Variants in MAP3K5 observed in about 807,000 individuals in gnomAD.
MAP3K5 encodes mitogen-activated protein kinase kinase kinase 5.
In MAP3K5, 56 loss-of-function variants were observed where a neutral mutation model predicts 158.7. That is an observed-to-expected ratio of 0.35 (90% CI 0.28 to 0.44). MAP3K5 has a LOEUF of 0.44. MAP3K5 is among the 20% of genes least tolerant of loss of function. MAP3K5 has a pLI of 1.00. For synonymous variants in MAP3K5, 579 were observed against 601.7 expected, an observed-to-expected ratio of 0.96 and a Z score of 0.55; for missense variants, 1,294 against 1,674.8, an observed-to-expected ratio of 0.77 and a Z score of 3.97.
At chr6:136,604,051 G>A (rs1162700565) in intron 19 of MAP3K5, among the ~76,000 whole-genome samples, 1 of 152,228 alleles carries the variant, frequency 6.6e-6, no homozygotes, top group Non-Finnish European at 1.5e-5. Context: ...GGCCAAACGC[G>A]TGGCTCATGC....
intron 1 of MAP3K5, among the ~76,000 whole-genome samples, chr6:136,785,434 G>A (rs576354437): frequency 1.4e-4 from 21 of 152,276 alleles, no homozygotes; most frequent in African/African-American, 4.8e-4. Context: ...CTGAGTAAGC[G>A]GTTGCAATCT....
chr6:136,726,824 C>T (rs1051193079), intron 1 of MAP3K5, among the ~76,000 whole-genome samples: 4 of 152,024 alleles, frequency 2.6e-5, no homozygotes, highest in African/African-American at 9.7e-5. Flanking sequence ...ATCTTGTATC[C>T]TGAAATTTAA....
intron 18 of MAP3K5, among the ~76,000 whole-genome samples, chr6:136,610,529 C>G (rs1260354687): frequency 6.7e-6 from 1 of 148,284 alleles, no homozygotes; most frequent in Non-Finnish European, 1.5e-5. Context: ...GGGAATTCAT[C>G]GTCCAAATGG....
intron 17 of MAP3K5, among the ~76,000 whole-genome samples, chr6:136,612,705 A>AT (rs571392484): frequency 4.6e-5 from 7 of 152,076 alleles, no homozygotes; most frequent in South Asian, 2.1e-4. Context: ...GAAAAGAGGA[A>AT]TTTTTTTTCT....
rs180879325 is a variant in MAP3K5 at position 136,622,549 on chromosome 6, G to A, written c.2150+299C>T. Among the ~76,000 whole-genome samples the A allele has an allele frequency of 5.3e-5, 8 of 152,206 alleles. No homozygotes were observed. In the East Asian group the frequency reaches 1.3e-3, roughly 26 times the overall value. ...ACCTAGAACTGGTTCCAACCTAAAC[G>A]ATTTCTGATAGTGCTTATTCCTCAT... On this transcript the variant is annotated intron_variant, in intron 15 of 29. Transcript: ENST00000359015.
In MAP3K5 at chr6:136,561,519, A is replaced by G; in HGVS notation, c.3987+14T>C. On this transcript the variant is annotated intron_variant, in intron 28 of 29. Transcript: ENST00000359015. ...AAGTGAAAGAATACTTGTCCCACAG[A>G]CAGTTTTCTTTACCCGGCTTATAGT... 1 of 1,555,332 alleles carries G rather than the reference A, an allele frequency of 6.4e-7. No homozygotes were observed. The highest frequency in any genetic ancestry group is 1.1e-5 in the South Asian group (1 of 89,686).
intron 1 of MAP3K5, among the ~76,000 whole-genome samples, chr6:136,751,064 ATCCCCGAGTAGCAT>A (rs542499969): frequency 1.3e-5 from 2 of 150,322 alleles, no homozygotes; most frequent in African/African-American, 4.9e-5. Context: ...TCACCACTTC[ATCCCCGAGTAGCAT>A]TCTTTTGCTC....
intron 23 of MAP3K5, among the ~76,000 whole-genome samples, chr6:136,588,903 C>T (rs961089616): frequency 1.3e-5 from 2 of 152,162 alleles, no homozygotes; most frequent in East Asian, 1.9e-4. Flanking sequence ...AGTAACTGCC[C>T]GAGACAGCTT....
At chr6:136,775,665 C>A (rs1784377470) in intron 1 of MAP3K5, among the ~76,000 whole-genome samples, 1 of 152,202 alleles carries the variant, frequency 6.6e-6, no homozygotes, top group South Asian at 2.1e-4. Flanking sequence ...TCCACTCCTG[C>A]AAACTTAGTC....
chr6:136,720,400 C>A, intron 2 of MAP3K5, 50 bp downstream of exon 2: 1 of 1,488,760 alleles, frequency 6.7e-7, no homozygotes, highest in Non-Finnish European at 9.0e-7. Flanking sequence ...AAACCGGTAT[C>A]CCTGAAATGC....
chr6:136,765,109 T>C (rs1487907571), intron 1 of MAP3K5, among the ~76,000 whole-genome samples: 1 of 152,200 alleles, frequency 6.6e-6, no homozygotes, highest in East Asian at 1.9e-4. Context: ...TATAAGACAG[T>C]ACAGAAACAT....
At chr6:136,561,465 A>G (rs1354763688) in intron 28 of MAP3K5, 68 bp downstream of exon 28, 6 of 1,178,850 alleles carry the variant, frequency 5.1e-6, no homozygotes, top group African/African-American at 1.5e-5. Context: ...TGTGCCTGTC[A>G]CATAGCAGGC....
At chr6:136,767,781 A>T (rs1313308272) in intron 1 of MAP3K5, among the ~76,000 whole-genome samples, 1 of 152,228 alleles carries the variant, frequency 6.6e-6, no homozygotes, top group Admixed American at 6.5e-5. Context: ...TCCTGATTTC[A>T]CAACTTTTTA....
intron 28 of MAP3K5, among the ~76,000 whole-genome samples, chr6:136,559,653 TAA>T (rs1212039434): frequency 6.6e-6 from 1 of 152,224 alleles, no homozygotes; most frequent in East Asian, 1.9e-4. Context: ...TAATTCACCA[TAA>T]AAGCAGAGTC....
Position 136,592,251 on chromosome 6 carries a change from C to G in MAP3K5, c.3147G>C (p.Glu1049Asp). Residue 1049 changes from glutamate to aspartate, a missense_variant, in exon 23 of 30, where the codon GAG (glutamate) becomes GAC (aspartate). By Grantham distance (45) the Glu-to-Asp change is conservative. Transcript: ENST00000359015. ...GGATCCTGTGAAGGGTAGCTCGCCT[C>G]TCACTGTCCTTCCTCAGCATGAAGA... ...SGFFMLRKDS[E>D]RRATLHRILT... 6 of 1,612,582 alleles carry G rather than the reference C, an allele frequency of 3.7e-6. No individual in the cohort carries two copies. Among genetic ancestry groups the G allele is most frequent in the Non-Finnish European group, 5.1e-6 (6 of 1,179,380 alleles).
At chr6:136,565,504 T>C (rs1304121659) in intron 26 of MAP3K5, among the ~76,000 whole-genome samples, 2 of 152,230 alleles carry the variant, frequency 1.3e-5, no homozygotes, top group African/African-American at 4.8e-5. Flanking sequence ...CAATCATGGC[T>C]CACTGTAGCC....
chr6:136,761,391 G>C (rs1455069494), intron 1 of MAP3K5, among the ~76,000 whole-genome samples: 1 of 151,720 alleles, frequency 6.6e-6, no homozygotes, highest in East Asian at 1.9e-4. Context: ...GTAGATCCCA[G>C]GTGTCTGGGC....
chr6:136,725,118 ACATT>A (rs1246184628), intron 1 of MAP3K5, among the ~76,000 whole-genome samples: 1 of 152,224 alleles, frequency 6.6e-6, no homozygotes, highest in Non-Finnish European at 1.5e-5. Context: ...AGGTTTGAGG[ACATT>A]CAGGTTGTCT....
chr6:136,599,158 CA>C lies in MAP3K5; in HGVS notation c.2878+1863del, dbSNP rs1295013623. ...TGCACTCCAGCCTAGGACTCCGTCT[CA>C]AAAAAAAAAGGGGGGGGGGGCGTGG... On this transcript the variant is annotated intron_variant, in intron 21 of 29. Coordinates refer to ENST00000359015, the MANE Select transcript of MAP3K5 (RefSeq NM_005923.4). 1.8e-3 allele frequency among the ~76,000 whole-genome samples: 97 copies of C among 55,428 alleles called. 1 individual carries two copies. The highest frequency in any genetic ancestry group is 6.6e-3 in the African/African-American group (84 of 12,804). The allele number at this position is 55,428 out of a possible 152,430, so 36.4% of individuals were successfully genotyped here. A position where few individuals can be genotyped will look rare whatever the true frequency, so the allele number is the denominator to read the frequency against.
Sources: gnomAD v4.1 joint callset for allele counts (sites outside exome capture counted in the v4.1 genomes callset) on GRCh38, gnomAD v4.1.1 for gene constraint, MANE v1.5 for transcripts, NCBI Gene and HGNC (gene_info 2026-07-23, HGNC 2026-07-21) for gene names.